Variants in ATP6V1A observed in about 807,000 individuals in gnomAD.
ATP6V1A encodes the protein ATPase H+ transporting V1 subunit A, also known as V-type proton ATPase catalytic subunit A.
A neutral mutation model predicts 70.1 loss-of-function variants in ATP6V1A; 18 were observed. That is an observed-to-expected ratio of 0.26 (90% CI 0.18 to 0.38). ATP6V1A has a LOEUF of 0.38. ATP6V1A is among the 10% of genes least tolerant of loss of function. The pLI is 1.00. For synonymous variants in ATP6V1A, 232 were observed against 253.8 expected (o/e 0.91, Z 0.82); for missense variants, 424 against 772.4 (o/e 0.55, Z 5.35).
chr3:113,803,827 G>A (rs1341779240), intron 13 of ATP6V1A, 150 bp downstream of exon 13: 4 of 573,748 alleles, frequency 7.0e-6, no homozygotes, highest in Non-Finnish European at 1.2e-5. Context: ...TAGTAGACAT[G>A]ATCTAATATG....
intron 1 of ATP6V1A, among the ~76,000 whole-genome samples, chr3:113,766,075 AC>A (rs147086752): frequency 9.3e-4 from 142 of 152,274 alleles, no homozygotes; most frequent in African/African-American, 3.1e-3. Flanking sequence ...AGTAAATAAT[AC>A]AAAAAAGTCT....
At chr3:113,755,836 T>C (rs1708642093) in intron 1 of ATP6V1A, among the ~76,000 whole-genome samples, 1 of 152,216 alleles carries the variant, frequency 6.6e-6, no homozygotes, top group South Asian at 2.1e-4. Context: ...TATCCACAAA[T>C]GGTAGCACCT....
At chr3:113,791,812 A>G (rs1230926229) in intron 8 of ATP6V1A, among the ~76,000 whole-genome samples, 2 of 148,440 alleles carry the variant, frequency 1.3e-5, no homozygotes, top group Non-Finnish European at 3.0e-5. Flanking sequence ...AACTGAGTAC[A>G]AGGAACTCCT....
chr3:113,789,566 G>A (rs1011199590), intron 7 of ATP6V1A, among the ~76,000 whole-genome samples, 166 bp from the exon 8 acceptor site: 1 of 151,570 alleles, frequency 6.6e-6, no homozygotes, highest in Non-Finnish European at 1.5e-5. Context: ...TCATAGCACC[G>A]TGGAGCAGAG....
rs148736517 is a variant in ATP6V1A, at chr3:113,795,983, T to C, written c.1290+44T>C. 2.1e-5 allele frequency: 31 copies of C among 1,486,536 alleles called. 1 individual carries two copies. The Admixed American group carries it at 4.7e-4, about 22-fold the overall frequency. The allele number at this position is 1,486,536 out of a possible 1,614,324, so 92.1% of individuals were successfully genotyped here. A position where few individuals can be genotyped will look rare whatever the true frequency, so the allele number is the denominator to read the frequency against. ...TAGTCAACTTCTGAGCCTTTCCTCC[T>C]CTCTGCAGCCCCTGCTGTTCTAATG... On this transcript the variant is annotated intron_variant, in intron 11 of 14. Transcript: ENST00000273398.
At chr3:113,799,834 T>C (rs755956541) in intron 12 of ATP6V1A, among the ~76,000 whole-genome samples, 1 of 152,164 alleles carries the variant, frequency 6.6e-6, no homozygotes, top group Non-Finnish European at 1.5e-5. Flanking sequence ...ACCAGAAATA[T>C]ATATTTCTTC....
intron 1 of ATP6V1A, among the ~76,000 whole-genome samples, chr3:113,773,625 C>T (rs749847541): frequency 6.6e-6 from 1 of 152,102 alleles, no homozygotes; most frequent in Admixed American, 6.6e-5. Context: ...TAAATAAATA[C>T]TTGTTTTAAA....
At chr3:113,747,384 C>T (rs1389817913) in intron 1 of ATP6V1A, 1 of 152,286 alleles carries the variant, frequency 6.6e-6, no homozygotes, top group African/African-American at 2.4e-5. Context: ...TTTGGGGCTT[C>T]GGGTAGCAGA....
At position 113,784,330 on chromosome 3, in the gene ATP6V1A, G is replaced by A. The variant is rs753216033; in HGVS notation, c.318G>A (p.Leu106=). ...GAIFDGIQRP[L]SDISSQTQSI... ...TTTTTGATGGTATTCAAAGACCTTTGTCGGATATCAGCAGTCAGACCCAAA... is the reference window on the plus strand; with the variant it reads ...TTTTTGATGGTATTCAAAGACCTTTATCGGATATCAGCAGTCAGACCCAAA... The change falls in exon 4 of 15, where the codon TTG becomes TTA. Residue 106 remains leucine, a synonymous_variant. Coordinates refer to ENST00000273398, the MANE Select transcript of ATP6V1A (RefSeq NM_001690.4). The A allele has an allele frequency of 5.0e-5, 80 of 1,613,948 alleles. 1 individual carries two copies. In the Admixed American group the frequency reaches 1.3e-3, roughly 27 times the overall value.
intron 1 of ATP6V1A, among the ~76,000 whole-genome samples, chr3:113,752,754 G>A (rs1032288376): frequency 6.6e-6 from 1 of 151,954 alleles, no homozygotes; most frequent in Non-Finnish European, 1.5e-5. Flanking sequence ...TGGTGAAAAA[G>A]GGCACATATA....
intron 1 of ATP6V1A, among the ~76,000 whole-genome samples, chr3:113,760,992 G>A (rs548029216): frequency 6.6e-6 from 1 of 152,146 alleles, no homozygotes; most frequent in South Asian, 2.1e-4. Flanking sequence ...GCTTGAATCC[G>A]GGAGGGGGAG....
intron 1 of ATP6V1A, among the ~76,000 whole-genome samples, chr3:113,757,945 A>C (rs1416577815): frequency 6.6e-6 from 1 of 152,214 alleles, no homozygotes; most frequent in East Asian, 1.9e-4. Context: ...AGAGATTGAG[A>C]CCATCCTGGC....
At chr3:113,781,260 A>G in intron 3 of ATP6V1A, 82 bp downstream of exon 3, 2 of 1,441,664 alleles carry the variant, frequency 1.4e-6, no homozygotes, top group Non-Finnish European at 1.8e-6. Context: ...CCTCACACAA[A>G]GTAATCCCAG....
At chr3:113,789,611 GGAA>G in intron 7 of ATP6V1A, 118 bp from the exon 8 acceptor site, 1 of 642,656 alleles carries the variant, frequency 1.6e-6, no homozygotes, top group Non-Finnish European at 2.7e-6. Context: ...TATTACTTTA[GGAA>G]CACTGATTGT....
At chr3:113,802,665 A>ATT (rs34650903) in intron 12 of ATP6V1A, 22 of 148,230 alleles carry the variant, frequency 1.5e-4, no homozygotes, top group South Asian at 4.3e-4. Flanking sequence ...TTTGTTTGGG[A>ATT]TTTTTTTTTG....
intron 3 of ATP6V1A, 125 bp from the exon 4 acceptor site, chr3:113,784,099 A>G (rs1408817086): frequency 1.2e-6 from 1 of 827,492 alleles, no homozygotes; most frequent in Non-Finnish European, 1.9e-6. Flanking sequence ...AATCCTGTGA[A>G]CTGAGAAAGT....
At chr3:113,781,247 G>A in intron 3 of ATP6V1A, 69 bp downstream of exon 3, 1 of 1,506,420 alleles carries the variant, frequency 6.6e-7, no homozygotes, top group Non-Finnish European at 8.9e-7. Context: ...GCCAGGCATA[G>A]TGCCTCACAC....
At chr3:113,760,886 G>A (rs1297365092) in intron 1 of ATP6V1A, among the ~76,000 whole-genome samples, 4 of 151,622 alleles carry the variant, frequency 2.6e-5, no homozygotes, top group Non-Finnish European at 2.9e-5. Context: ...GGCCAATATG[G>A]TGAAACTCTG....
intron 13 of ATP6V1A, among the ~76,000 whole-genome samples, chr3:113,804,914 C>T (rs1220013916): frequency 6.6e-6 from 1 of 152,176 alleles, no homozygotes. Context: ...CTTGCAGTTT[C>T]CTGCTTTCCT....
Sources: allele counts gnomAD v4.1 joint callset (sites outside exome capture counted in the v4.1 genomes callset), GRCh38; gene constraint gnomAD v4.1.1; transcripts MANE v1.5; gene names NCBI Gene and HGNC (gene_info 2026-07-23, HGNC 2026-07-21).